The following RFTN2 variants were observed in gnomAD, a reference collection of about 807,000 sequenced individuals.
The protein encoded by RFTN2 is raftlin family member 2.
In RFTN2, 34 loss-of-function variants were observed where a neutral mutation model predicts 52.7. The observed-to-expected ratio is 0.64, with a 90% CI of 0.49 to 0.86. The LOEUF (loss-of-function observed/expected upper bound fraction) is 0.86. Ranked by LOEUF, RFTN2 falls within the 40% of genes least tolerant of loss-of-function variation. RFTN2 has a pLI of 0.00. For synonymous variants in RFTN2, 203 were observed against 217.7 expected, an observed-to-expected ratio of 0.93 and a Z score of 0.59; for missense variants, 536 against 600.1, an observed-to-expected ratio of 0.89 and a Z score of 1.12.
Position 197,570,353 on chromosome 2 carries a change from C to T in RFTN2, c.*1655G>A, listed in dbSNP as rs920685077. ...GTGGAATAATTCCTGTTAATTTTAT[C>T]AGCAATTAATGGAGATTGACTTAGT... On this transcript the variant is annotated 3_prime_UTR_variant, in exon 9 of 9. Transcript: ENST00000295049. The T allele has an allele frequency of 6.6e-6, 1 of 152,164 alleles. No individual in the cohort carries two copies. Among genetic ancestry groups the T allele is most frequent in the East Asian group, 1.9e-4 (1 of 5,204 alleles). 9.4% of individuals were successfully genotyped at this position (152,164 alleles called of 1,614,324 possible).
chr2:197,589,889 T>C (rs1331325926), intron 8 of RFTN2, among the ~76,000 whole-genome samples: 1 of 152,150 alleles, frequency 6.6e-6, no homozygotes, highest in African/African-American at 2.4e-5. Context: ...TTAAATAGAT[T>C]ATGCTTTTGG....
Position 197,617,876 on chromosome 2 carries a change from T to C in RFTN2, c.974A>G (p.Glu325Gly). 1 of 1,609,924 alleles carries C rather than the reference T, an allele frequency of 6.2e-7. No individual in the cohort carries two copies. Among genetic ancestry groups the C allele is most frequent in the Non-Finnish European group, 8.5e-7 (1 of 1,177,172 alleles). Residue 325 changes from glutamate (E) to glycine (G), a missense_variant, in exon 6 of 9, where the codon GAA becomes GGA. Glu to Gly is a moderately conservative substitution (Grantham distance 98, BLOSUM62 -2). Transcript: ENST00000295049. Reference sequence around the variant, plus strand: ...AGAACCTGGAACTCCAGAACCTTCTTCTTCATAGATAAAAAATCCTTCCAA... The same window carrying C: ...AGAACCTGGAACTCCAGAACCTTCTCCTTCATAGATAAAAAATCCTTCCAA... ...KSLEGFFIYE[E>G]EGSGVPGSSR...
intron 5 of RFTN2, among the ~76,000 whole-genome samples, chr2:197,618,671 G>A (rs1165059914): frequency 1.5e-4 from 23 of 151,822 alleles, no homozygotes; most frequent in Middle Eastern, 3.4e-3. Context: ...CATCACATCT[G>A]GGAAGTGAGG....
chr2:197,578,709 G>A (rs970189907), intron 8 of RFTN2, among the ~76,000 whole-genome samples: 14 of 152,170 alleles, frequency 9.2e-5, no homozygotes, highest in African/African-American at 3.4e-4. Flanking sequence ...CTGCACCCAG[G>A]TGATTAAAAA....
intron 8 of RFTN2, chr2:197,587,871 C>G: frequency 2.6e-6 from 1 of 377,508 alleles, no homozygotes. Flanking sequence ...CCAACTAGTT[C>G]TTGGAGATTA....
At chr2:197,583,952 T>C (rs939157566) in intron 8 of RFTN2, among the ~76,000 whole-genome samples, 6 of 108,196 alleles carry the variant, frequency 5.5e-5, no homozygotes, top group Admixed American at 3.7e-4. Flanking sequence ...ACAAAGGACA[T>C]GAAATCATCC....
intron 8 of RFTN2, among the ~76,000 whole-genome samples, chr2:197,582,219 A>C (rs1371978990): frequency 6.6e-6 from 1 of 152,118 alleles, no homozygotes; most frequent in Admixed American, 6.5e-5. Flanking sequence ...AACTTCCAAA[A>C]TCTATTTTCT....
At chr2:197,644,891 T>C (rs1381527134) in intron 2 of RFTN2, among the ~76,000 whole-genome samples, 1 of 152,234 alleles carries the variant, frequency 6.6e-6, no homozygotes, top group East Asian at 1.9e-4. Context: ...CATGTTAAAG[T>C]AGGCAATTAC....
At chr2:197,659,813 T>C (rs1249888767) in intron 1 of RFTN2, among the ~76,000 whole-genome samples, 1 of 151,312 alleles carries the variant, frequency 6.6e-6, no homozygotes, top group Non-Finnish European at 1.5e-5. Flanking sequence ...GCAAAAACTC[T>C]GTCTCAAAAA....
intron 8 of RFTN2, among the ~76,000 whole-genome samples, chr2:197,579,573 C>T (rs976817489): frequency 6.6e-6 from 1 of 152,144 alleles, no homozygotes; most frequent in Non-Finnish European, 1.5e-5. Context: ...AATGGGCAAA[C>T]GGTCTGAGAT....
At chr2:197,597,357 T>G (rs2087808177) in intron 7 of RFTN2, among the ~76,000 whole-genome samples, 1 of 152,156 alleles carries the variant, frequency 6.6e-6, no homozygotes, top group Non-Finnish European at 1.5e-5. Context: ...GATTAGCATG[T>G]GTACAGAAAA....
chr2:197,633,635 G>T (rs1259633642), intron 4 of RFTN2, 83 bp downstream of exon 4: 2 of 1,022,018 alleles, frequency 2.0e-6, no homozygotes, highest in African/African-American at 1.6e-5. Context: ...AATTTACTTT[G>T]ACTCATATTT....
chr2:197,612,397 T>C (rs2088078240), intron 7 of RFTN2, among the ~76,000 whole-genome samples: 1 of 152,190 alleles, frequency 6.6e-6, no homozygotes, highest in African/African-American at 2.4e-5. Flanking sequence ...CACTCCAGAA[T>C]TGGAGAGGGG....
chr2:197,668,830 C>T (rs898725803), intron 1 of RFTN2, among the ~76,000 whole-genome samples: 12 of 152,160 alleles, frequency 7.9e-5, no homozygotes, highest in African/African-American at 2.9e-4. Context: ...AATCTCTTGG[C>T]AGCTCCCTCT....
Position 197,631,221 on chromosome 2 carries a change from C to T in RFTN2, c.719-1G>A. 6.2e-7 allele frequency: 1 copy of T among 1,602,064 alleles called. No individual in the cohort carries two copies. Among genetic ancestry groups the T allele is most frequent in the Non-Finnish European group, 8.5e-7 (1 of 1,174,960 alleles). Reference sequence around the variant, plus strand: ...ACTGTATACAATTTGTTATCTGAGGCTAGGCATTCAGAAGGAGAAAAAAGG... The same window carrying T: ...ACTGTATACAATTTGTTATCTGAGGTTAGGCATTCAGAAGGAGAAAAAAGG... On this transcript the variant is annotated splice_acceptor_variant, in intron 4 of 8. Coordinates refer to ENST00000295049, the MANE Select transcript of RFTN2 (RefSeq NM_144629.3). LOFTEE classifies it high-confidence loss of function.
chr2:197,603,459 A>G (rs1307441824), intron 7 of RFTN2, among the ~76,000 whole-genome samples: 1 of 152,248 alleles, frequency 6.6e-6, no homozygotes, highest in Admixed American at 6.5e-5. Flanking sequence ...TAAGTAAGTT[A>G]TAGGTAGAGA....
intron 7 of RFTN2, among the ~76,000 whole-genome samples, chr2:197,604,481 C>G (rs2087928147): frequency 6.6e-6 from 1 of 152,084 alleles, no homozygotes; most frequent in South Asian, 2.1e-4. Flanking sequence ...GATATGATTC[C>G]ATTCATATAA....
intron 7 of RFTN2, among the ~76,000 whole-genome samples, chr2:197,602,388 A>T (rs1373926367): frequency 1.3e-5 from 2 of 152,196 alleles, no homozygotes; most frequent in Non-Finnish European, 2.9e-5. Context: ...AAATTAAAAA[A>T]ATTTTTTTGT....
At chr2:197,642,370 C>A (rs2088686623) in intron 3 of RFTN2, among the ~76,000 whole-genome samples, 1 of 152,116 alleles carries the variant, frequency 6.6e-6, no homozygotes, top group Admixed American at 6.5e-5. Flanking sequence ...ACCATAAAAT[C>A]CCATCAATTT....
Sources: allele counts gnomAD v4.1 joint callset (sites outside exome capture counted in the v4.1 genomes callset), GRCh38; gene constraint gnomAD v4.1.1; transcripts MANE v1.5; gene names NCBI Gene and HGNC (gene_info 2026-07-23, HGNC 2026-07-21).